Variants in NR6A1 observed in about 807,000 individuals in gnomAD.
NR6A1 encodes the protein nuclear receptor subfamily 6 group A member 1.
NR6A1 carries 7 observed loss-of-function variants against 59.1 expected under a neutral mutation model. That is an observed-to-expected ratio of 0.12 (90% CI 0.07 to 0.22). The LOEUF (loss-of-function observed/expected upper bound fraction) is 0.22. Among genes scored for constraint, NR6A1 ranks in the 10% least tolerant of loss-of-function variants. The pLI, the probability that NR6A1 is intolerant of heterozygous loss-of-function variation, is 1.00. For missense variants in NR6A1, 468 were observed against 611.6 expected (o/e 0.77, Z 2.48); for synonymous variants, 243 against 236.1 (o/e 1.03, Z -0.27).
At chr9:124,708,054 G>A (rs1248839769) in intron 2 of NR6A1, among the ~76,000 whole-genome samples, 2 of 152,092 alleles carry the variant, frequency 1.3e-5, no homozygotes, top group African/African-American at 2.4e-5. Flanking sequence ...CAGGATATTC[G>A]GAGAGCTTAT....
At chr9:124,562,923 A>C (rs911237662) in intron 2 of NR6A1, among the ~76,000 whole-genome samples, 1 of 152,240 alleles carries the variant, frequency 6.6e-6, no homozygotes, top group African/African-American at 2.4e-5. Flanking sequence ...AAGAACAAAA[A>C]ATAAATGAGG....
intron 2 of NR6A1, among the ~76,000 whole-genome samples, chr9:124,587,052 T>C (rs1004200939): frequency 6.6e-6 from 1 of 152,224 alleles, no homozygotes; most frequent in African/African-American, 2.4e-5. Context: ...GAAACGGCCA[T>C]AGCCATCCCC....
At chr9:124,670,076 A>G (rs1837742447) in intron 2 of NR6A1, among the ~76,000 whole-genome samples, 1 of 152,032 alleles carries the variant, frequency 6.6e-6, no homozygotes. Flanking sequence ...CCCCTCACAT[A>G]AATTTGGTCA....
intron 2 of NR6A1, among the ~76,000 whole-genome samples, chr9:124,574,370 G>A (rs551673066): frequency 6.6e-6 from 1 of 152,286 alleles, no homozygotes; most frequent in South Asian, 2.1e-4. Context: ...TGAGGAGTAA[G>A]AATTTAGTCT....
intron 9 of NR6A1, among the ~76,000 whole-genome samples, chr9:124,523,682 C>G (rs1357564428): frequency 6.6e-6 from 1 of 152,084 alleles, no homozygotes; most frequent in Non-Finnish European, 1.5e-5. Context: ...AATACTGAGA[C>G]AAACTGTCAA....
rs112524326 is a variant in NR6A1, at chr9:124,612,192, G to C, written c.143-57622C>G. Among the ~76,000 whole-genome samples, 924 of 152,270 alleles carry C rather than the reference G, an allele frequency of 6.1e-3. 10 individuals carry two copies. The highest frequency in any genetic ancestry group is 0.021 in the African/African-American group (879 of 41,558). ...ACAAGGAATTTAAAGCAGATGTCAA[G>C]TAACAAAGGATAGGTTTCCACTGCT... On this transcript the variant is annotated intron_variant, in intron 2 of 9. Transcript: ENST00000487099.
intron 4 of NR6A1, 61 bp downstream of exon 4, chr9:124,543,741 A>C: frequency 7.4e-7 from 1 of 1,347,688 alleles, no homozygotes. Context: ...GAGCAGTTTC[A>C]GGAACAGCTG....
chr9:124,720,843 C>T (rs990718454), intron 2 of NR6A1, among the ~76,000 whole-genome samples: 5 of 152,082 alleles, frequency 3.3e-5, no homozygotes, highest in Non-Finnish European at 7.4e-5. Flanking sequence ...TCTAGGGTAT[C>T]CCCCCACTAC....
intron 2 of NR6A1, among the ~76,000 whole-genome samples, chr9:124,642,016 A>G (rs1836780125): frequency 6.6e-6 from 1 of 151,934 alleles, no homozygotes; most frequent in African/African-American, 2.4e-5. Flanking sequence ...CTCTATCACT[A>G]CCACTTAACA....
chr9:124,700,972 G>GT (rs1838930178), intron 2 of NR6A1, among the ~76,000 whole-genome samples: 2 of 151,944 alleles, frequency 1.3e-5, no homozygotes, highest in African/African-American at 4.8e-5. Context: ...TGTTGGCCAG[G>GT]CGGGTCTCAA....
intron 7 of NR6A1, among the ~76,000 whole-genome samples, chr9:124,527,423 G>C (rs1832969174): frequency 6.6e-6 from 1 of 152,238 alleles, no homozygotes; most frequent in Non-Finnish European, 1.5e-5. Flanking sequence ...CTGAGGTTAT[G>C]CATAGTGAAA....
chr9:124,707,516 T>G (rs1238634657), intron 2 of NR6A1, among the ~76,000 whole-genome samples: 1 of 122,782 alleles, frequency 8.1e-6, no homozygotes, highest in Admixed American at 7.8e-5. Flanking sequence ...GTTTCTACTG[T>G]TTTTTTTTTT....
At chr9:124,593,945 A>T (rs1215215890) in intron 2 of NR6A1, among the ~76,000 whole-genome samples, 1 of 152,104 alleles carries the variant, frequency 6.6e-6, no homozygotes, top group Admixed American at 6.5e-5. Context: ...AGATTGTATG[A>T]CTCCACAGAT....
In NR6A1 at chr9:124,566,875, A is replaced by G. The variant is rs564700823; in HGVS notation, c.143-12305T>C. 1.7e-3 allele frequency among the ~76,000 whole-genome samples: 256 copies of G among 152,264 alleles called. 2 individuals are homozygous for G. In the South Asian group the frequency reaches 0.023, roughly 14 times the overall value. ...TGTAATCCCAGCACTTTGGGAGGCCAAGGCGGGCGGATCACGAGGTCAGGA... is the reference window on the plus strand; with the variant it reads ...TGTAATCCCAGCACTTTGGGAGGCCGAGGCGGGCGGATCACGAGGTCAGGA... On this transcript the variant is annotated intron_variant, in intron 2 of 9. Transcript: ENST00000487099.
chr9:124,618,085 C>T (rs1173318092), intron 2 of NR6A1, among the ~76,000 whole-genome samples: 1 of 152,202 alleles, frequency 6.6e-6, no homozygotes, highest in Non-Finnish European at 1.5e-5. Flanking sequence ...AAGGGCAAAC[C>T]TACATATCCA....
At chr9:124,545,737 A>G (rs1315310106) in intron 3 of NR6A1, among the ~76,000 whole-genome samples, 1 of 152,216 alleles carries the variant, frequency 6.6e-6, no homozygotes, top group East Asian at 1.9e-4. Flanking sequence ...TGGAGGTGTG[A>G]AAAGAAAGCA....
chr9:124,604,718 G>A (rs1835531631), intron 2 of NR6A1, among the ~76,000 whole-genome samples: 1 of 152,120 alleles, frequency 6.6e-6, no homozygotes, highest in African/African-American at 2.4e-5. Flanking sequence ...GCTGAGATGG[G>A]AGGATTGCTT....
intron 2 of NR6A1, among the ~76,000 whole-genome samples, chr9:124,647,395 A>G (rs1238772347): frequency 1.3e-5 from 2 of 152,204 alleles, no homozygotes; most frequent in African/African-American, 2.4e-5. Flanking sequence ...TGGAAAATCT[A>G]AAAGAAATGG....
chr9:124,525,051 A>G (rs535021551), intron 8 of NR6A1, among the ~76,000 whole-genome samples, 178 bp from the exon 9 acceptor site: 42 of 152,254 alleles, frequency 2.8e-4, no homozygotes, highest in African/African-American at 8.4e-4. Flanking sequence ...AAGAGAAATG[A>G]AGAGAGAGAG....
Sources: allele counts gnomAD v4.1 joint callset (sites outside exome capture counted in the v4.1 genomes callset), GRCh38; gene constraint gnomAD v4.1.1; transcripts MANE v1.5; gene names NCBI Gene and HGNC (gene_info 2026-07-23, HGNC 2026-07-21).